The following BTBD8 variants were observed in gnomAD, a reference collection of about 807,000 sequenced individuals.
The protein encoded by BTBD8 is BTB domain containing 8.
BTBD8 carries 110 observed loss-of-function variants against 162.9 expected under a neutral mutation model. The ratio of observed to expected loss-of-function variants is 0.68; its 90% CI spans 0.58 to 0.79. BTBD8 has a LOEUF of 0.79. Ranked by LOEUF, BTBD8 falls within the 30% of genes least tolerant of loss-of-function variation. The pLI is 0.00. For missense variants in BTBD8, 1,905 were observed against 2,085.4 expected (o/e 0.91, Z 1.68); for synonymous variants, 667 against 716.1 (o/e 0.93, Z 1.10).
chr1:92,118,092 T>G (rs1649093765), intron 4 of BTBD8, among the ~76,000 whole-genome samples: 1 of 151,940 alleles, frequency 6.6e-6, no homozygotes, highest in Admixed American at 6.6e-5. Context: ...ATTAACATCT[T>G]ATAGTACATT....
intron 5 of BTBD8, among the ~76,000 whole-genome samples, chr1:92,130,129 C>T (rs1649474984): frequency 6.6e-6 from 1 of 152,162 alleles, no homozygotes; most frequent in African/African-American, 2.4e-5. Context: ...TCTTGCTGTA[C>T]ACTCATGTGG....
Position 92,167,987 on chromosome 1 carries a change from T to C in BTBD8, c.1443+2T>C. 6.5e-7 allele frequency: 1 copy of C among 1,531,506 alleles called. No individual in the cohort carries two copies. 94.9% of individuals were successfully genotyped at this position (1,531,506 alleles called of 1,614,324 possible). A position where few individuals can be genotyped will look rare whatever the true frequency, so the allele number is the denominator to read the frequency against. ...AACTCTGACAGTACAAAGGAAATGG[T>C]ACTGAATGTAATGAAATTTATTAAA... On this transcript the variant is annotated splice_donor_variant, in intron 11 of 17. Transcript: ENST00000636805. LOFTEE classifies it high-confidence loss of function.
At chr1:92,100,812 T>C (rs570464081) in intron 2 of BTBD8, among the ~76,000 whole-genome samples, 1 of 152,302 alleles carries the variant, frequency 6.6e-6, no homozygotes, top group East Asian at 1.9e-4. Context: ...GGTTTCACCA[T>C]GTTGGGCAGG....
intron 4 of BTBD8, among the ~76,000 whole-genome samples, chr1:92,123,625 G>T (rs1487272131): frequency 6.6e-6 from 1 of 151,584 alleles, no homozygotes; most frequent in Non-Finnish European, 1.5e-5. Flanking sequence ...TTATGTTCTA[G>T]TTGTTCATTA....
chr1:92,117,353 GGT>G (rs921276580), intron 4 of BTBD8, among the ~76,000 whole-genome samples: 10 of 23,012 alleles, frequency 4.3e-4, no homozygotes, highest in African/African-American at 9.0e-4. Flanking sequence ...GATTATTAAA[GGT>G]TTTTTTTTTA....
chr1:92,125,308 G>A (rs773145629), intron 4 of BTBD8: 17 of 193,702 alleles, frequency 8.8e-5, no homozygotes, highest in East Asian at 8.1e-4. Context: ...GAACCATGGC[G>A]TCTGGTGACA....
chr1:92,122,401 G>A (rs1399790306), intron 4 of BTBD8, among the ~76,000 whole-genome samples: 1 of 151,906 alleles, frequency 6.6e-6, no homozygotes, highest in East Asian at 1.9e-4. Context: ...TGGGACTACA[G>A]GTTTGTGCCA....
At chr1:92,164,621 C>T (rs1650343704) in intron 9 of BTBD8, among the ~76,000 whole-genome samples, 1 of 149,238 alleles carries the variant, frequency 6.7e-6, no homozygotes, top group Middle Eastern at 3.5e-3. Flanking sequence ...CCCGTTACGG[C>T]GAGCTGAGAT....
intron 2 of BTBD8, among the ~76,000 whole-genome samples, chr1:92,095,711 T>C (rs1460440347): frequency 6.6e-6 from 1 of 152,218 alleles, no homozygotes; most frequent in Non-Finnish European, 1.5e-5. Context: ...GCAATTGCTA[T>C]GTAGATGATG....
chr1:92,146,315 T>C (rs1218547686), intron 7 of BTBD8, among the ~76,000 whole-genome samples: 1 of 152,160 alleles, frequency 6.6e-6, no homozygotes, highest in Non-Finnish European at 1.5e-5. Flanking sequence ...TAGAGCATTT[T>C]TAGTTTCACA....
Position 92,176,905 on chromosome 1 carries a change from G to A in BTBD8, c.1712G>A (p.Ser571Asn). Residue 571 changes from serine to asparagine, a missense_variant, in exon 14 of 18, where the codon AGT becomes AAT. This residue lies in a region of BTBD8 where 1,374 missense variants were observed against 1,442.7 expected (regional missense o/e 0.95). Transcript: ENST00000636805. ...WRGNNKKECW[S>N]YLSTNKKMKS... ...GGAAATAACAAGAAAGAGTGTTGGA[G>A]TTATCTCTCTACTAATAAAAAGATG... 1 of 1,532,990 alleles carries A rather than the reference G, an allele frequency of 6.5e-7. No homozygotes were observed. The highest frequency in any genetic ancestry group is 1.2e-5 in the South Asian group (1 of 80,432). The allele number at this position is 1,532,990 out of a possible 1,614,324, so 95.0% of individuals were successfully genotyped here.
chr1:92,128,928 TC>T lies in BTBD8; in HGVS notation c.663-758del. On this transcript the variant is annotated intron_variant, in intron 4 of 17. Transcript: ENST00000636805. ...GGTTTTTTGTTTTTTGGTTTTTTTT[TC>T]ATTGATTTGAAAAGGTTTTAGATTG... Among the ~76,000 whole-genome samples the T allele has an allele frequency of 2.0e-5, 3 of 152,188 alleles. No individual in the cohort carries two copies. In the South Asian group the frequency reaches 6.2e-4, roughly 32 times the overall value.
Position 92,136,062 on chromosome 1 carries a change from CTAAGTAT to C in BTBD8, c.753-3284_753-3278del, listed in dbSNP as rs148374807. On this transcript the variant is annotated intron_variant, in intron 5 of 17. Transcript: ENST00000636805. ...ACATTTAGATATTTGACTTTATTTC[CTAAGTAT>C]TAAAGATGCAGAATTTTGAATCAGC... Among the ~76,000 whole-genome samples, 1,357 of 152,086 alleles carry C rather than the reference CTAAGTAT, an allele frequency of 8.9e-3. 10 individuals carry two copies. Among genetic ancestry groups the C allele is most frequent in the Non-Finnish European group, 0.015 (986 of 67,972 alleles).
In BTBD8 at chr1:92,084,217, A is replaced by G. The variant is rs889985730; in HGVS notation, c.149+3497A>G. ...TCTGTGCGGTAGTTTTCTCATCTTC[A>G]TTCTCATTTTCATCTAACTCCTCTT... On this transcript the variant is annotated intron_variant, in intron 1 of 17. Transcript: ENST00000636805. Among the ~76,000 whole-genome samples, 3 of 152,194 alleles carry G rather than the reference A, an allele frequency of 2.0e-5. No individual in the cohort carries two copies. The South Asian group carries it at 6.2e-4, about 32-fold the overall frequency.
rs556906878 is a variant in BTBD8 at position 92,128,521 on chromosome 1, G to A, written c.663-1166G>A. Among the ~76,000 whole-genome samples, 15 of 151,768 alleles carry A rather than the reference G, an allele frequency of 9.9e-5. No individual in the cohort carries two copies. In the South Asian group the frequency reaches 3.1e-3, roughly 32 times the overall value. ...TCTCGATCTCCTGACCTCGTGATCT[G>A]CCTGCCTTAGCCTCCCAAAGTGCTG... On this transcript the variant is annotated intron_variant, in intron 4 of 17. Coordinates refer to ENST00000636805, the MANE Select transcript of BTBD8 (RefSeq NM_001376131.1).
At chr1:92,098,859 C>G (rs1236333680) in intron 2 of BTBD8, among the ~76,000 whole-genome samples, 1 of 152,142 alleles carries the variant, frequency 6.6e-6, no homozygotes, top group Non-Finnish European at 1.5e-5. Context: ...GAAGTTTTCT[C>G]TCATTCTCTG....
At chr1:92,171,241 T>C (rs1650534092) in intron 12 of BTBD8, among the ~76,000 whole-genome samples, 158 bp from the exon 13 acceptor site, 1 of 152,104 alleles carries the variant, frequency 6.6e-6, no homozygotes, top group South Asian at 2.1e-4. Flanking sequence ...AATTCTAAAA[T>C]ATAATAGGGA....
In BTBD8 at chr1:92,182,400, T is replaced by C. The variant is rs1386590435; in HGVS notation, c.4717T>C (p.Leu1573=). The C allele has an allele frequency of 4.5e-6, 7 of 1,549,892 alleles. No homozygotes were observed. The highest frequency in any genetic ancestry group is 6.1e-6 in the Non-Finnish European group (7 of 1,146,568). ...TGACATTCAGCAACGCAGCAAATTC[T>C]TGGATAGTGATGTAAAATCTCAAGA... The part of the protein sequence containing the change: ...ENDIQQRSKF[L]DSDVKSQERP... Residue 1573 remains leucine (L), a synonymous_variant, in exon 17 of 18, where the codon TTG becomes CTG. Transcript: ENST00000636805.
Position 92,182,225 on chromosome 1 carries a change from C to T in BTBD8, c.4542C>T (p.Val1514=), listed in dbSNP as rs1043872299. The change falls in exon 17 of 18, where the codon GTC becomes GTT. Residue 1514 remains valine, a synonymous_variant. Transcript: ENST00000636805. ...GNSVCKNEST[V]LDLSSIDSSR... is the part of the protein sequence containing the mutation. ...GTGTATGTAAAAATGAAAGCACTGT[C>T]TTGGATCTTAGTAGCATTGACTCTT... The T allele has an allele frequency of 6.4e-7, 1 of 1,550,660 alleles. No individual in the cohort carries two copies. The highest frequency in any genetic ancestry group is 8.7e-7 in the Non-Finnish European group (1 of 1,146,750).
Sources: allele counts gnomAD v4.1 joint callset (sites outside exome capture counted in the v4.1 genomes callset), GRCh38; gene constraint gnomAD v4.1.1; regional missense constraint gnomAD v4.1.1; transcripts MANE v1.5; gene names NCBI Gene and HGNC (gene_info 2026-07-23, HGNC 2026-07-21).